SH3KBP1: variants seen among roughly 807,000 people sequenced by gnomAD.
The protein encoded by SH3KBP1 is SH3 domain containing kinase binding protein 1.
A neutral mutation model predicts 50.1 loss-of-function variants in SH3KBP1; 8 were observed. The ratio of observed to expected loss-of-function variants is 0.16; its 90% CI spans 0.09 to 0.29. The LOEUF is 0.29. SH3KBP1 is among the 10% of genes least tolerant of loss of function. SH3KBP1 has a pLI of 1.00. For missense variants in SH3KBP1, 377 were observed against 535.2 expected, an observed-to-expected ratio of 0.70 and a Z score of 2.92; for synonymous variants, 227 against 218.6, an observed-to-expected ratio of 1.04 and a Z score of -0.34.
intron 13 of SH3KBP1, among the ~76,000 whole-genome samples, chrX:19,565,154 C>T (rs1042256582): frequency 5.9e-4 from 62 of 104,442 alleles, no homozygotes; most frequent in African/African-American, 2.0e-3. Context: ...CTCCGCCTCC[C>T]GGGTTCAAGC....
chrX:19,743,003 G>A (rs1457612243), intron 3 of SH3KBP1, among the ~76,000 whole-genome samples: 5 of 112,131 alleles, frequency 4.5e-5, no homozygotes, highest in Non-Finnish European at 9.4e-5. Context: ...AGAAGTGAGT[G>A]CAGACACAAG....
intron 6 of SH3KBP1, among the ~76,000 whole-genome samples, chrX:19,669,914 A>G (rs1265888030): frequency 1.8e-5 from 2 of 110,132 alleles, no homozygotes; most frequent in Admixed American, 9.7e-5. Context: ...GTAATTTTGA[A>G]AATAGTATAA....
chrX:19,549,496 T>A (rs915625217), intron 14 of SH3KBP1, among the ~76,000 whole-genome samples: 24 of 111,438 alleles, frequency 2.2e-4, no homozygotes, highest in African/African-American at 7.5e-4. Context: ...TTGAAAACAA[T>A]CTCCTGAAGG....
At chrX:19,865,319 TG>T (rs919409120) in intron 1 of SH3KBP1, among the ~76,000 whole-genome samples, 1 of 112,302 alleles carries the variant, frequency 8.9e-6, no homozygotes, top group African/African-American at 3.2e-5. Context: ...TCTGGTTGTT[TG>T]GCTGGTGCCA....
intron 1 of SH3KBP1, among the ~76,000 whole-genome samples, chrX:19,872,094 A>T (rs1173497093): frequency 9.2e-6 from 1 of 108,493 alleles, no homozygotes; most frequent in Non-Finnish European, 1.9e-5. Context: ...TCTACTAAAA[A>T]TACAATAATT....
At chrX:19,765,555 T>A (rs1310042439) in intron 2 of SH3KBP1, among the ~76,000 whole-genome samples, 1 of 112,026 alleles carries the variant, frequency 8.9e-6, no homozygotes, top group East Asian at 2.8e-4. Context: ...AAATTTTTTT[T>A]AATTGTGGTA....
rs12394603 is a variant in SH3KBP1, at chrX:19,783,069, G to T, written c.163-36628C>A. On this transcript the variant is annotated intron_variant, in intron 2 of 17. Transcript: ENST00000397821. ...AGAGGTCGAGGTTGCAGTGACCTGT[G>T]ATCATGCCACTGCACTCTCCAGCCT... 5.9e-3 allele frequency among the ~76,000 whole-genome samples: 666 copies of T among 112,141 alleles called. 3 individuals carry two copies. Among genetic ancestry groups the T allele is most frequent in the African/African-American group, 0.021 (634 of 30,875 alleles).
At chrX:19,633,570 C>T (rs1343403053) in intron 7 of SH3KBP1, among the ~76,000 whole-genome samples, 1 of 112,114 alleles carries the variant, frequency 8.9e-6, no homozygotes, top group African/African-American at 3.2e-5. Flanking sequence ...AATATGACTG[C>T]CAATCTCAAA....
chrX:19,852,979 C>T (rs949027280), intron 1 of SH3KBP1, among the ~76,000 whole-genome samples: 1 of 112,413 alleles, frequency 8.9e-6, no homozygotes, highest in Non-Finnish European at 1.9e-5. Flanking sequence ...TGAGAGTACA[C>T]AAGCGAGTTG....
chrX:19,586,793 C>T (rs942865855), intron 12 of SH3KBP1, among the ~76,000 whole-genome samples: 1 of 112,024 alleles, frequency 8.9e-6, no homozygotes, highest in Non-Finnish European at 1.9e-5. Flanking sequence ...AGCCAGCCCA[C>T]GTTGCGACTT....
chrX:19,869,910 A>T (rs1207039681), intron 1 of SH3KBP1, among the ~76,000 whole-genome samples: 2 of 112,348 alleles, frequency 1.8e-5, no homozygotes, highest in Non-Finnish European at 3.8e-5. Flanking sequence ...ATGCACATTT[A>T]AAAAAATACA....
At chrX:19,834,953 T>C (rs1029210891) in intron 2 of SH3KBP1, among the ~76,000 whole-genome samples, 4 of 108,574 alleles carry the variant, frequency 3.7e-5, no homozygotes, top group African/African-American at 1.0e-4. Context: ...GAGAATCATT[T>C]GAACCTGGGA....
chrX:19,607,432 G>A (rs1338522120), intron 9 of SH3KBP1, among the ~76,000 whole-genome samples: 2 of 112,514 alleles, frequency 1.8e-5, no homozygotes, highest in African/African-American at 6.5e-5. Context: ...AAGAGAAACC[G>A]TGGATGAGAG....
At chrX:19,627,968 G>A (rs2148255955) in intron 8 of SH3KBP1, among the ~76,000 whole-genome samples, 1 of 112,443 alleles carries the variant, frequency 8.9e-6, no homozygotes, top group Non-Finnish European at 1.9e-5. Flanking sequence ...ACAGATCATG[G>A]TGAAACCATT....
chrX:19,847,642 G>C (rs762697246), intron 1 of SH3KBP1, among the ~76,000 whole-genome samples: 1 of 112,236 alleles, frequency 8.9e-6, no homozygotes, highest in East Asian at 2.8e-4. Context: ...CAGGTTATTA[G>C]GGAGGGTGCA....
chrX:19,873,990 A>C (rs1196307455), intron 1 of SH3KBP1, among the ~76,000 whole-genome samples: 1 of 96,761 alleles, frequency 1.0e-5, no homozygotes, highest in African/African-American at 4.0e-5. Flanking sequence ...TAGAGGTTGC[A>C]GTGAGCCAAG....
intron 2 of SH3KBP1, among the ~76,000 whole-genome samples, chrX:19,771,323 G>T (rs1030615771): frequency 1.2e-4 from 13 of 111,589 alleles, no homozygotes; most frequent in African/African-American, 2.9e-4. Flanking sequence ...TATAAGGTAG[G>T]TCTATGTGCT....
rs1416247675 is a variant in SH3KBP1, at chrX:19,542,937, G to T, written c.1624-744C>A. 2.1e-4 allele frequency among the ~76,000 whole-genome samples: 24 copies of T among 112,118 alleles called. No homozygotes were observed. The Admixed American group carries it at 2.3e-3, about 11-fold the overall frequency. On this transcript the variant is annotated intron_variant, in intron 15 of 17. Coordinates refer to ENST00000397821, the MANE Select transcript of SH3KBP1 (RefSeq NM_031892.3). The stretch of plus-strand genomic sequence containing the variant: ...GGCACACGGTGCTGAGGACCATGCT[G>T]GCTGCAGAAAGGCTAAAGGGTTGGC...
intron 3 of SH3KBP1, among the ~76,000 whole-genome samples, chrX:19,718,318 A>G (rs1354000548): frequency 8.9e-6 from 1 of 111,796 alleles, no homozygotes; most frequent in Non-Finnish European, 1.9e-5. Flanking sequence ...GGTCTAATAC[A>G]ATTAAATGAA....
Sources: gnomAD v4.1 joint callset for allele counts (sites outside exome capture counted in the v4.1 genomes callset) on GRCh38, gnomAD v4.1.1 for gene constraint, MANE v1.5 for transcripts, NCBI Gene and HGNC (gene_info 2026-07-23, HGNC 2026-07-21) for gene names.